DAG1: variants seen among roughly 807,000 people sequenced by gnomAD.
The protein encoded by DAG1 is dystroglycan 1 (dystrophin-associated glycoprotein 1).
In DAG1, 8 loss-of-function variants were observed where a neutral mutation model predicts 46.1. The ratio of observed to expected loss-of-function variants is 0.17; its 90% CI spans 0.10 to 0.31. DAG1 has a LOEUF of 0.31. Among genes scored for constraint, DAG1 ranks in the 10% least tolerant of loss-of-function variants. DAG1 has a pLI of 1.00. For synonymous variants in DAG1, 495 were observed against 481.8 expected, an observed-to-expected ratio of 1.03 and a Z score of -0.36; for missense variants, 1,003 against 1,189.9, an observed-to-expected ratio of 0.84 and a Z score of 2.31.
chr3:49,486,497 C>T (rs879666323), intron 1 of DAG1, among the ~76,000 whole-genome samples: 3 of 151,158 alleles, frequency 2.0e-5, no homozygotes, highest in Non-Finnish European at 4.4e-5. Context: ...GGATTACAGG[C>T]GTGAGCCACC....
chr3:49,484,883 G>T (rs1260982609), intron 1 of DAG1, among the ~76,000 whole-genome samples: 3 of 150,572 alleles, frequency 2.0e-5, no homozygotes, highest in Admixed American at 6.6e-5. Flanking sequence ...TGCAACCTCC[G>T]CCTCCCAGGT....
At chr3:49,515,271 A>AT (rs36072165) in intron 2 of DAG1, among the ~76,000 whole-genome samples, 4,822 of 129,154 alleles carry the variant, frequency 0.037, 85 homozygotes, top group Non-Finnish European at 0.041. Flanking sequence ...TCCCGGGCCT[A>AT]TTTTTTTTTT....
chr3:49,485,009 C>G (rs546640963), intron 1 of DAG1, among the ~76,000 whole-genome samples: 2 of 151,914 alleles, frequency 1.3e-5, no homozygotes, highest in Non-Finnish European at 2.9e-5. Context: ...TTATTTGAGA[C>G]GGAGTCTCGC....
chr3:49,492,027 A>C (rs2050202973), intron 1 of DAG1, among the ~76,000 whole-genome samples: 1 of 151,930 alleles, frequency 6.6e-6, no homozygotes, highest in Non-Finnish European at 1.5e-5. Context: ...CCCGGGTTCA[A>C]GCAATTCTTC....
intron 2 of DAG1, among the ~76,000 whole-genome samples, chr3:49,517,687 G>A (rs191746475): frequency 6.6e-6 from 1 of 152,340 alleles, no homozygotes; most frequent in Admixed American, 6.5e-5. Context: ...GAAGATCAGG[G>A]CCAACCTTGA....
rs187360140 is a variant in DAG1 at position 49,525,597 on chromosome 3, G to A, written c.286-5200G>A. Reference sequence around the variant, plus strand: ...TTTTGAGACGGAATCTCGCTCTGTCGCCCAGGCTGGAGTGCCGTGGCGTGA... The same window carrying A: ...TTTTGAGACGGAATCTCGCTCTGTCACCCAGGCTGGAGTGCCGTGGCGTGA... On this transcript the variant is annotated intron_variant, in intron 2 of 2. Transcript: ENST00000308775. Among the ~76,000 whole-genome samples the A allele has an allele frequency of 2.3e-3, 343 of 149,808 alleles. 6 individuals are homozygous for A. In the East Asian group the frequency reaches 0.044, roughly 19 times the overall value.
intron 1 of DAG1, among the ~76,000 whole-genome samples, chr3:49,496,322 T>A (rs902558067): frequency 6.6e-6 from 1 of 150,616 alleles, no homozygotes; most frequent in Non-Finnish European, 1.5e-5. Flanking sequence ...GGTCCATGCC[T>A]ACGTACTTGG....
At chr3:49,473,439 C>CA (rs1018663044) in intron 1 of DAG1, among the ~76,000 whole-genome samples, 4 of 151,512 alleles carry the variant, frequency 2.6e-5, no homozygotes, top group Admixed American at 6.6e-5. Flanking sequence ...AAAAAAAACA[C>CA]AAAAAAAACA....
At chr3:49,494,485 A>G (rs1324768677) in intron 1 of DAG1, among the ~76,000 whole-genome samples, 1 of 152,146 alleles carries the variant, frequency 6.6e-6, no homozygotes, top group Non-Finnish European at 1.5e-5. Context: ...AATTTAATTC[A>G]TCATTGCTAG....
In DAG1 at chr3:49,494,786, C is replaced by CACCAT. The variant is rs2050269973; in HGVS notation, c.-116-15629_-116-15628insTACCA. The stretch of plus-strand genomic sequence containing the variant: ...AGTAGCTGGGACTACAGGTGCCTGC[C>CACCAT]ACCACGCCCAGCTAATTTTTGTATT... On this transcript the variant is annotated intron_variant, in intron 1 of 2. Transcript: ENST00000308775. 1.6e-4 allele frequency among the ~76,000 whole-genome samples: 8 copies of CACCAT among 50,626 alleles called. No homozygotes were observed. In the South Asian group the frequency reaches 0.015, roughly 96 times the overall value. 33.2% of individuals were successfully genotyped at this position (50,626 alleles called of 152,430 possible).
rs185773044 is a variant in DAG1, at chr3:49,527,661, C to T, written c.286-3136C>T. ...GAGCTTGCAGTGAGCCGAGATCACGCCCCTGCACTCCAGCCTGGGTGATAG... is the reference window on the plus strand; with the variant it reads ...GAGCTTGCAGTGAGCCGAGATCACGTCCCTGCACTCCAGCCTGGGTGATAG... On this transcript the variant is annotated intron_variant, in intron 2 of 2. Coordinates refer to ENST00000308775, the MANE Select transcript of DAG1 (RefSeq NM_004393.6). Among the ~76,000 whole-genome samples the T allele has an allele frequency of 1.4e-4, 21 of 152,264 alleles. 1 individual carries two copies. The South Asian group carries it at 3.3e-3, about 24-fold the overall frequency.
chr3:49,497,099 G>C (rs964354693), intron 1 of DAG1, among the ~76,000 whole-genome samples: 1 of 150,678 alleles, frequency 6.6e-6, no homozygotes, highest in Non-Finnish European at 1.5e-5. Context: ...AGGAGTTTGA[G>C]ACCAGCCTGG....
intron 2 of DAG1, among the ~76,000 whole-genome samples, chr3:49,527,520 T>C (rs1392503710): frequency 7.8e-6 from 1 of 128,480 alleles, no homozygotes; most frequent in Admixed American, 8.5e-5. Context: ...AGACTCTGTC[T>C]CAAAAAAAAA....
chr3:49,473,555 T>TTG (rs1254232527), intron 1 of DAG1, among the ~76,000 whole-genome samples: 4 of 152,136 alleles, frequency 2.6e-5, no homozygotes, highest in Non-Finnish European at 2.9e-5. Flanking sequence ...GTGGAGGCAG[T>TTG]TGAGAGCATA....
chr3:49,491,119 G>GGCGGGAGTGCA (rs2050170921), intron 1 of DAG1, among the ~76,000 whole-genome samples: 1 of 151,828 alleles, frequency 6.6e-6, no homozygotes, highest in African/African-American at 2.4e-5. Context: ...TCCTGACCCA[G>GGCGGGAGTGCA]GTGGTCCGCC....
intron 1 of DAG1, chr3:49,510,187 C>G (rs1449622252): frequency 8.2e-6 from 4 of 487,664 alleles, no homozygotes; most frequent in Non-Finnish European, 1.4e-5. Flanking sequence ...ATTTTACATT[C>G]ATTTTTTATG....
Position 49,510,761 on chromosome 3 carries a change from G to A in DAG1, c.227G>A (p.Arg76His), listed in dbSNP as rs950805280. The A allele has an allele frequency of 4.3e-6, 7 of 1,614,018 alleles. No homozygotes were observed. The highest frequency in any genetic ancestry group is 1.7e-5 in the Admixed American group (1 of 59,998). The change falls in exon 2 of 3, where the codon CGC (arginine) becomes CAC (histidine). Residue 76 changes from arginine to histidine, a missense_variant. Transcript: ENST00000308775. ...GIPDGTAVVG[R>H]SFRVTIPTDL... ...CCTGATGGCACGGCTGTCGTCGGGC[G>A]CTCATTTCGAGTGACCATTCCAACA...
intron 1 of DAG1, among the ~76,000 whole-genome samples, chr3:49,509,310 C>G (rs1336684780): frequency 6.6e-6 from 1 of 152,094 alleles, no homozygotes; most frequent in Non-Finnish European, 1.5e-5. Flanking sequence ...TGGTGTGCAC[C>G]TGAAGTCCCA....
At chr3:49,508,729 A>G (rs962427255) in intron 1 of DAG1, among the ~76,000 whole-genome samples, 4 of 152,000 alleles carry the variant, frequency 2.6e-5, no homozygotes, top group African/African-American at 4.8e-5. Flanking sequence ...AGATTTCACC[A>G]TGCTGGCCAG....
Sources: allele counts gnomAD v4.1 joint callset (sites outside exome capture counted in the v4.1 genomes callset), GRCh38; gene constraint gnomAD v4.1.1; transcripts MANE v1.5; gene names NCBI Gene and HGNC (gene_info 2026-07-23, HGNC 2026-07-21).